TNNI3K: variants seen among roughly 807,000 people sequenced by gnomAD.
TNNI3K encodes the protein TNNI3 interacting kinase, also known as serine/threonine-protein kinase TNNI3K.
Under a neutral mutation model 114.5 loss-of-function variants are expected in TNNI3K, and 140 were observed. The observed-to-expected ratio is 1.22, with a 90% CI of 1.07 to 1.41. The LOEUF (loss-of-function observed/expected upper bound fraction) is 1.41, where lower values mean the gene tolerates loss of function less well. Among genes scored for constraint, TNNI3K ranks in the 40% most tolerant of loss-of-function variants. TNNI3K has a pLI of 0.00. For missense variants in TNNI3K, 1,125 were observed against 1,007.6 expected (o/e 1.12, Z -1.58); for synonymous variants, 347 against 347.5 (o/e 1.00, Z 0.02).
intron 5 of TNNI3K, among the ~76,000 whole-genome samples, chr1:74,285,034 G>A (rs1657242045): frequency 6.6e-6 from 1 of 152,208 alleles, no homozygotes; most frequent in Non-Finnish European, 1.5e-5. Context: ...TTTTTGTTCA[G>A]AAATATAAAG....
At chr1:74,290,313 TATA>T (rs1657601693) in intron 5 of TNNI3K, among the ~76,000 whole-genome samples, 1 of 151,572 alleles carries the variant, frequency 6.6e-6, no homozygotes, top group African/African-American at 2.4e-5. Flanking sequence ...TCTACACTTT[TATA>T]ATATTTGTAA....
intron 21 of TNNI3K, chr1:74,483,223 AC>A: frequency 1.4e-6 from 1 of 715,176 alleles, no homozygotes; most frequent in Non-Finnish European, 2.6e-6. Flanking sequence ...TTTTCCAGGT[AC>A]ACTGAGCACT....
intron 21 of TNNI3K, among the ~76,000 whole-genome samples, chr1:74,486,484 T>A (rs865842783): frequency 7.0e-6 from 1 of 143,212 alleles, no homozygotes; most frequent in Non-Finnish European, 1.5e-5. Flanking sequence ...ATCACTTTTT[T>A]TGTGTGTGTT....
chr1:74,437,575 T>C (rs1666193882), intron 19 of TNNI3K, among the ~76,000 whole-genome samples: 1 of 151,470 alleles, frequency 6.6e-6, no homozygotes, highest in Non-Finnish European at 1.5e-5. Context: ...GTGGGGGCAA[T>C]AGTAAGTGCA....
chr1:74,517,736 A>C (rs940652565), intron 23 of TNNI3K, among the ~76,000 whole-genome samples: 1 of 152,182 alleles, frequency 6.6e-6, no homozygotes, highest in Non-Finnish European at 1.5e-5. Context: ...TTTGAAACTA[A>C]GACATCTTAG....
rs764942265 is a variant in TNNI3K at position 74,370,288 on chromosome 1, G to A, written c.1668G>A (p.Arg556=). Residue 556 remains arginine (R), a splice_region_variant and synonymous_variant, in exon 17 of 25, where the codon AGG becomes AGA. Coordinates refer to ENST00000326637, the MANE Select transcript of TNNI3K (RefSeq NM_015978.3). ...SLFSLLHEQK[R]ILDLQSKLII... ...TGTTAAATCTATTTTTAAATTCTAG[G>A]ATTCTTGATTTGCAGTCTAAATTAA... 1.3e-6 allele frequency: 2 copies of A among 1,584,508 alleles called. No individual in the cohort carries two copies. Among genetic ancestry groups the A allele is most frequent in the Non-Finnish European group, 1.7e-6 (2 of 1,164,406 alleles).
intron 20 of TNNI3K, among the ~76,000 whole-genome samples, chr1:74,460,937 A>C (rs1459017438): frequency 6.6e-6 from 1 of 152,248 alleles, no homozygotes; most frequent in African/African-American, 2.4e-5. Context: ...AATCTAAAAG[A>C]ATTTCAAAGG....
chr1:74,379,562 T>C (rs1423747979), intron 17 of TNNI3K, among the ~76,000 whole-genome samples: 1 of 152,080 alleles, frequency 6.6e-6, no homozygotes, highest in Non-Finnish European at 1.5e-5. Flanking sequence ...TATTATGAAG[T>C]CAGTCTGTCT....
intron 23 of TNNI3K, among the ~76,000 whole-genome samples, chr1:74,534,283 C>G (rs1646631837): frequency 6.6e-6 from 1 of 152,030 alleles, no homozygotes; most frequent in Non-Finnish European, 1.5e-5. Flanking sequence ...TCAAAGTTCC[C>G]AAGTTTGCAA....
At chr1:74,474,837 T>C (rs1459645982) in intron 21 of TNNI3K, among the ~76,000 whole-genome samples, 1 of 151,996 alleles carries the variant, frequency 6.6e-6, no homozygotes, top group East Asian at 1.9e-4. Flanking sequence ...CTTGACATCA[T>C]TCCTGAAATG....
chr1:74,287,305 G>C (rs1657393232), intron 5 of TNNI3K, among the ~76,000 whole-genome samples: 1 of 152,020 alleles, frequency 6.6e-6, no homozygotes, highest in Non-Finnish European at 1.5e-5. Context: ...CTTATTGAAA[G>C]ATATCATGAC....
chr1:74,475,927 G>A (rs975231875), intron 21 of TNNI3K: 1 of 465,100 alleles, frequency 2.2e-6, no homozygotes, highest in Non-Finnish European at 3.8e-6. Flanking sequence ...AGAATGGGTA[G>A]GAAGTCCTTC....
chr1:74,473,530 C>T (rs992744295), intron 21 of TNNI3K, among the ~76,000 whole-genome samples: 1 of 99,826 alleles, frequency 1.0e-5, no homozygotes, highest in African/African-American at 3.8e-5. Flanking sequence ...ATTTAAAAGG[C>T]TATTTTTTTT....
chr1:74,461,612 G>GT (rs1667459750), intron 20 of TNNI3K, among the ~76,000 whole-genome samples: 1 of 152,018 alleles, frequency 6.6e-6, no homozygotes, highest in Non-Finnish European at 1.5e-5. Flanking sequence ...AAAAAAATGA[G>GT]TGGCTATATT....
intron 17 of TNNI3K, among the ~76,000 whole-genome samples, chr1:74,427,744 A>G (rs1214678417): frequency 6.6e-6 from 1 of 152,142 alleles, no homozygotes; most frequent in East Asian, 1.9e-4. Flanking sequence ...ATAAGATTAT[A>G]CCATGTTAAG....
At chr1:74,290,442 T>C (rs544769188) in intron 5 of TNNI3K, among the ~76,000 whole-genome samples, 1 of 151,822 alleles carries the variant, frequency 6.6e-6, no homozygotes, top group East Asian at 1.9e-4. Context: ...CCCAGGAAAT[T>C]CACTTCTAGA....
At chr1:74,438,860 A>AT (rs1308515202) in intron 19 of TNNI3K, among the ~76,000 whole-genome samples, 1 of 152,142 alleles carries the variant, frequency 6.6e-6, no homozygotes, top group Admixed American at 6.6e-5. Context: ...CACAAACAGC[A>AT]TTCATAAATA....
At chr1:74,334,723 T>C (rs1660379303) in intron 6 of TNNI3K, among the ~76,000 whole-genome samples, 1 of 152,194 alleles carries the variant, frequency 6.6e-6, no homozygotes, top group African/African-American at 2.4e-5. Flanking sequence ...CTACTGTTTC[T>C]ATCTCCAGTT....
rs1666113849 is a variant in TNNI3K at position 74,436,085 on chromosome 1, A to G, written c.1778A>G (p.Asn593Ser). ...PIIHRDLNSH[N>S]ILLYEDGHAV... ...TTTTTTTTTTTTTTTTACAGTCACA[A>G]TATTCTTCTCTATGAGGATGGGCAT... The change falls in exon 18 of 25, where the codon AAT becomes AGT. Residue 593 changes from asparagine (N) to serine (S), a missense_variant. Physicochemically the swap from Asn to Ser is conservative, Grantham distance 46 (BLOSUM62 1). Transcript: ENST00000326637. 2 of 1,583,014 alleles carry G rather than the reference A, an allele frequency of 1.3e-6. No individual in the cohort carries two copies. The highest frequency in any genetic ancestry group is 1.9e-5 in the Admixed American group (1 of 53,840).
Sources: allele counts gnomAD v4.1 joint callset (sites outside exome capture counted in the v4.1 genomes callset), GRCh38; gene constraint gnomAD v4.1.1; transcripts MANE v1.5; gene names NCBI Gene and HGNC (gene_info 2026-07-23, HGNC 2026-07-21).